Variants in PLPPR1 observed in about 807,000 individuals in gnomAD.
PLPPR1 encodes the protein phospholipid phosphatase related 1.
Under a neutral mutation model 33.1 loss-of-function variants are expected in PLPPR1, and 10 were observed. The observed-to-expected ratio is 0.30, with a 90% CI of 0.19 to 0.51. The LOEUF is 0.51. Among genes scored for constraint, PLPPR1 ranks in the 20% least tolerant of loss-of-function variants. The probability of loss-of-function intolerance (pLI) is 0.97; values close to 1 mark genes in which losing one functional copy is unlikely to be tolerated. For missense variants in PLPPR1, 304 were observed against 408.1 expected (o/e 0.74, Z 2.20); for synonymous variants, 151 against 151.0 (o/e 1.00, Z 0.00).
rs982840200 is a variant in PLPPR1 at position 101,309,091 on chromosome 9, G to A, written c.386-120G>A. Reference sequence around the variant, plus strand: ...GTACCACTCCTGGAAAGATACTCCGGGGAGTACTTAGAATCATTTTGATAG... The same window carrying A: ...GTACCACTCCTGGAAAGATACTCCGAGGAGTACTTAGAATCATTTTGATAG... On this transcript the variant is annotated intron_variant, in intron 4 of 7. Transcript: ENST00000374874. 159 of 978,330 alleles carry A rather than the reference G, an allele frequency of 1.6e-4. 2 individuals are homozygous for A. The South Asian group carries it at 2.3e-3, about 14-fold the overall frequency. The allele number at this position is 978,330 out of a possible 1,614,324, so 60.6% of individuals were successfully genotyped here.
At chr9:101,214,539 AGTT>A (rs1464722283) in intron 2 of PLPPR1, among the ~76,000 whole-genome samples, 1 of 152,252 alleles carries the variant, frequency 6.6e-6, no homozygotes, top group Non-Finnish European at 1.5e-5. Context: ...AGTCATTAAA[AGTT>A]GTTATTTTTA....
chr9:101,220,649 A>C (rs78224318), intron 2 of PLPPR1, among the ~76,000 whole-genome samples: 1 of 152,194 alleles, frequency 6.6e-6, no homozygotes, highest in South Asian at 2.1e-4. Flanking sequence ...GTAGTAGTTC[A>C]TGTCATACAG....
intron 4 of PLPPR1, among the ~76,000 whole-genome samples, chr9:101,306,783 T>C (rs1023018707): frequency 2.0e-5 from 3 of 152,204 alleles, no homozygotes; most frequent in African/African-American, 7.2e-5. Flanking sequence ...TACAGAGACA[T>C]TTTTAAAACA....
chr9:101,191,360 TAA>T (rs1369369136), intron 2 of PLPPR1, among the ~76,000 whole-genome samples: 1 of 152,150 alleles, frequency 6.6e-6, no homozygotes, highest in Admixed American at 6.6e-5. Context: ...CCTCAAAAAT[TAA>T]AAAGAGATAA....
At chr9:101,316,656 T>G (rs1158570256) in intron 6 of PLPPR1, among the ~76,000 whole-genome samples, 1 of 113,174 alleles carries the variant, frequency 8.8e-6, no homozygotes, top group Non-Finnish European at 1.8e-5. Context: ...AACAGTCAGT[T>G]ATGAAAAGAC....
intron 1 of PLPPR1, among the ~76,000 whole-genome samples, chr9:101,099,105 C>CG (rs1232221137): frequency 7.2e-5 from 10 of 139,788 alleles, no homozygotes; most frequent in African/African-American, 2.4e-4. Flanking sequence ...GTGTGTGTGT[C>CG]GGGGGGAGGC....
At chr9:101,304,768 C>T (rs1828824038) in intron 4 of PLPPR1, among the ~76,000 whole-genome samples, 1 of 152,178 alleles carries the variant, frequency 6.6e-6, no homozygotes, top group Non-Finnish European at 1.5e-5. Flanking sequence ...AGCAGGCTTC[C>T]TACTAGAGCT....
chr9:101,318,336 A>C (rs1829092690), intron 7 of PLPPR1, among the ~76,000 whole-genome samples: 1 of 152,236 alleles, frequency 6.6e-6, no homozygotes, highest in African/African-American at 2.4e-5. Context: ...CGACTTGCCA[A>C]CTGAAAGGAG....
intron 1 of PLPPR1, among the ~76,000 whole-genome samples, chr9:101,097,947 G>C (rs749785998): frequency 6.6e-6 from 1 of 152,202 alleles, no homozygotes; most frequent in Non-Finnish European, 1.5e-5. Context: ...ACGAGGAGTA[G>C]AGAATGAGAC....
chr9:101,285,528 T>G (rs1828378749), intron 3 of PLPPR1, among the ~76,000 whole-genome samples: 1 of 152,154 alleles, frequency 6.6e-6, no homozygotes. Context: ...CACTTAATGT[T>G]GTGGTGGATA....
chr9:101,210,816 G>A lies in PLPPR1; in HGVS notation c.63+25259G>A, dbSNP rs185790710. The stretch of plus-strand genomic sequence containing the variant: ...GGAGTCTCGCTCTGTCGCCCAGGCT[G>A]GAGTGCAGTGGCGCGATCTCAGCTC... On this transcript the variant is annotated intron_variant, in intron 2 of 7. Transcript: ENST00000374874. Among the ~76,000 whole-genome samples the A allele has an allele frequency of 2.3e-3, 343 of 152,320 alleles. 4 individuals are homozygous for A. Among genetic ancestry groups the A allele is most frequent in the African/African-American group, 7.9e-3 (328 of 41,570 alleles).
intron 1 of PLPPR1, among the ~76,000 whole-genome samples, chr9:101,061,909 A>G (rs1830352398): frequency 1.3e-5 from 2 of 152,136 alleles, no homozygotes; most frequent in South Asian, 4.1e-4. Flanking sequence ...AAATCAAGAA[A>G]TAACTATCTA....
intron 2 of PLPPR1, among the ~76,000 whole-genome samples, chr9:101,268,836 TTTC>T (rs1828045126): frequency 6.6e-6 from 1 of 152,224 alleles, no homozygotes; most frequent in African/African-American, 2.4e-5. Flanking sequence ...AAAAATATAT[TTTC>T]TTCATTTTAG....
At position 101,144,744 on chromosome 9, in the gene PLPPR1, AGTTGAT is replaced by A. The variant is rs1239619847; in HGVS notation, c.-45-40698_-45-40693del. Among the ~76,000 whole-genome samples the A allele has an allele frequency of 2.6e-5, 4 of 152,192 alleles. No homozygotes were observed. In the East Asian group the frequency reaches 7.7e-4, roughly 29 times the overall value. On this transcript the variant is annotated intron_variant, in intron 1 of 7. Transcript: ENST00000374874. ...GAGAATCTGCATTTCTAACATTTTC[AGTTGAT>A]GTTGATGGTCTAGAGACCACACTTT...
chr9:101,316,859 A>G (rs1829062489), intron 6 of PLPPR1, among the ~76,000 whole-genome samples: 1 of 152,136 alleles, frequency 6.6e-6, no homozygotes, highest in Middle Eastern at 3.2e-3. Flanking sequence ...TTAAGGGGCA[A>G]AATAGTATAG....
At chr9:101,111,040 T>A (rs568144476) in intron 1 of PLPPR1, among the ~76,000 whole-genome samples, 1 of 152,226 alleles carries the variant, frequency 6.6e-6, no homozygotes, top group East Asian at 1.9e-4. Flanking sequence ...AAAAATAATG[T>A]CATAAAGGAA....
chr9:101,042,450 C>A (rs955578939), intron 1 of PLPPR1, among the ~76,000 whole-genome samples: 4 of 152,104 alleles, frequency 2.6e-5, no homozygotes, highest in African/African-American at 9.7e-5. Flanking sequence ...AGGAATTTGC[C>A]TGGCCTACCA....
intron 1 of PLPPR1, among the ~76,000 whole-genome samples, chr9:101,078,194 GGGA>G (rs1318838868): frequency 8.2e-5 from 4 of 49,014 alleles, no homozygotes; most frequent in African/African-American, 3.3e-4. Context: ...AGAGGAGGGG[GGGA>G]GGGGGAGGGG....
chr9:101,132,959 T>C (rs1831330688), intron 1 of PLPPR1, among the ~76,000 whole-genome samples: 1 of 152,244 alleles, frequency 6.6e-6, no homozygotes, highest in African/African-American at 2.4e-5. Flanking sequence ...TATGGTTGTG[T>C]TCTCTCAGGT....
Sources: gnomAD v4.1 joint callset for allele counts (sites outside exome capture counted in the v4.1 genomes callset) on GRCh38, gnomAD v4.1.1 for gene constraint, MANE v1.5 for transcripts, NCBI Gene and HGNC (gene_info 2026-07-23, HGNC 2026-07-21) for gene names.